The following PAX7 variants were observed in gnomAD, a reference collection of about 807,000 sequenced individuals.
PAX7 encodes the protein paired box protein Pax-7.
A neutral mutation model predicts 50.7 loss-of-function variants in PAX7; 18 were observed. The ratio of observed to expected loss-of-function variants is 0.36; its 90% confidence interval spans 0.25 to 0.53. The LOEUF is 0.53. PAX7 is among the 20% of genes least tolerant of loss of function. The pLI, the probability that PAX7 is intolerant of heterozygous loss-of-function variation, is 0.93. For synonymous variants in PAX7, 310 were observed against 290.4 expected (o/e 1.07, Z -0.69); for missense variants, 644 against 702.9 (o/e 0.92, Z 0.95).
chr1:18,746,042 G>A lies in PAX7; in HGVS notation c.*1113G>A, dbSNP rs1448623966. 4.3e-6 allele frequency: 1 copy of A among 231,410 alleles called. No homozygotes were observed. The highest frequency in any genetic ancestry group is 6.1e-5 in the East Asian group (1 of 16,316). The allele number at this position is 231,410 out of a possible 1,614,324, so 14.3% of individuals were successfully genotyped here. On this transcript the variant is annotated 3_prime_UTR_variant, in exon 9 of 9. Coordinates refer to ENST00000420770, the MANE Select transcript of PAX7 (RefSeq NM_001135254.2). The stretch of plus-strand genomic sequence containing the variant: ...ACCATGCCCCATCCTCTAGGAAGAG[G>A]TCTCCATCTTCCCCAAACCCCTTTC...
chr1:18,703,343 C>T (rs758410250), intron 7 of PAX7, 47 bp downstream of exon 7: 1 of 1,493,060 alleles, frequency 6.7e-7, no homozygotes, highest in Non-Finnish European at 9.3e-7. Flanking sequence ...CCACGAAAGT[C>T]AGACATCTGC....
chr1:18,685,093 G>A (rs1036725058), intron 4 of PAX7, among the ~76,000 whole-genome samples: 2 of 152,146 alleles, frequency 1.3e-5, no homozygotes, highest in Admixed American at 1.3e-4. Flanking sequence ...TCCATCACCC[G>A]GGAACTTGCT....
chr1:18,674,066 AT>A (rs1418177333), intron 4 of PAX7, among the ~76,000 whole-genome samples: 39 of 152,238 alleles, frequency 2.6e-4, no homozygotes, highest in Admixed American at 2.6e-3. Flanking sequence ...AGAGCAAACT[AT>A]TTGGAACATT....
intron 8 of PAX7, among the ~76,000 whole-genome samples, chr1:18,742,014 C>T (rs185918859): frequency 6.1e-4 from 93 of 152,240 alleles, no homozygotes; most frequent in African/African-American, 2.1e-3. Context: ...CACTACCAGC[C>T]TCATAGAGTT....
intron 4 of PAX7, among the ~76,000 whole-genome samples, chr1:18,681,031 G>T (rs536022372): frequency 8.2e-4 from 125 of 152,070 alleles, no homozygotes; most frequent in Non-Finnish European, 1.4e-3. Flanking sequence ...GCCAGGCATG[G>T]TGGCACATGC....
At chr1:18,741,987 T>C (rs576508888) in intron 8 of PAX7, among the ~76,000 whole-genome samples, 1 of 152,288 alleles carries the variant, frequency 6.6e-6, no homozygotes, top group East Asian at 1.9e-4. Flanking sequence ...CCATCATCTG[T>C]AAGATGCGGA....
chr1:18,681,332 A>G (rs1360081378), intron 4 of PAX7, among the ~76,000 whole-genome samples: 1 of 152,164 alleles, frequency 6.6e-6, no homozygotes, highest in African/African-American at 2.4e-5. Context: ...GGACACCAGC[A>G]TGTTAAAGAG....
chr1:18,695,056 G>T (rs528260633), intron 5 of PAX7, among the ~76,000 whole-genome samples: 6 of 152,052 alleles, frequency 3.9e-5, no homozygotes, highest in Non-Finnish European at 7.4e-5. Context: ...CAGATGGGTG[G>T]GTTAGTGGAT....
Position 18,631,443 on chromosome 1 carries a change from G to A in PAX7, c.-161G>A, listed in dbSNP as rs2088043516. 1.6e-6 allele frequency: 1 copy of A among 639,814 alleles called. No individual in the cohort carries two copies. The highest frequency in any genetic ancestry group is 3.8e-4 in the Middle Eastern group (1 of 2,610). The allele number at this position is 639,814 out of a possible 1,614,324, so 39.6% of individuals were successfully genotyped here. ...TCTGGACGCGTTTGACTGCAGCCAGGGGTGGGGGGTGGGGGTAGGGAGTGT... is the reference window on the plus strand; with the variant it reads ...TCTGGACGCGTTTGACTGCAGCCAGAGGTGGGGGGTGGGGGTAGGGAGTGT... On this transcript the variant is annotated 5_prime_UTR_variant, in exon 1 of 9. Transcript: ENST00000420770.
intron 7 of PAX7, among the ~76,000 whole-genome samples, chr1:18,727,263 C>T (rs971560761): frequency 2.4e-5 from 3 of 125,620 alleles, no homozygotes; most frequent in African/African-American, 9.5e-5. Context: ...AACACACACA[C>T]ACAGTACTTC....
chr1:18,705,926 G>A (rs566753718), intron 7 of PAX7, among the ~76,000 whole-genome samples: 4 of 152,326 alleles, frequency 2.6e-5, no homozygotes, highest in South Asian at 4.1e-4. Flanking sequence ...GGGTCTGACC[G>A]GGGCAGAGGG....
intron 7 of PAX7, among the ~76,000 whole-genome samples, chr1:18,708,218 C>T (rs2089308388): frequency 6.6e-6 from 1 of 152,106 alleles, no homozygotes; most frequent in South Asian, 2.1e-4. Context: ...TCTCTCCCCT[C>T]TGCTCCGGGC....
At chr1:18,731,937 C>T (rs1451266696) in intron 7 of PAX7, among the ~76,000 whole-genome samples, 1 of 152,180 alleles carries the variant, frequency 6.6e-6, no homozygotes, top group African/African-American at 2.4e-5. Context: ...CACAAGCCCT[C>T]GCAGCTCCTG....
Position 18,691,920 on chromosome 1 carries a change from G to A in PAX7, c.753G>A (p.Ala251=), listed in dbSNP as rs765519857. ...YPDIYTREEL[A]QRTKLTEARV... ...ACATATACACCCGCGAGGAGCTGGC[G>A]CAGAGGACCAAGCTGACAGAGGCGC... The change falls in exon 5 of 9, where the codon GCG becomes GCA. Residue 251 remains alanine, a synonymous_variant. Coordinates refer to ENST00000420770, the MANE Select transcript of PAX7 (RefSeq NM_001135254.2). 1.2e-5 allele frequency: 19 copies of A among 1,613,964 alleles called. No homozygotes were observed. The highest frequency in any genetic ancestry group is 1.6e-4 in the Middle Eastern group (1 of 6,062).
chr1:18,633,867 C>T (rs1192324723), intron 1 of PAX7, among the ~76,000 whole-genome samples: 1 of 152,256 alleles, frequency 6.6e-6, no homozygotes, highest in Admixed American at 6.5e-5. Flanking sequence ...CTCCAAGACG[C>T]AGGCAGGCCT....
chr1:18,646,473 G>T (rs147859691), intron 4 of PAX7, among the ~76,000 whole-genome samples: 1 of 152,130 alleles, frequency 6.6e-6, no homozygotes, highest in African/African-American at 2.4e-5. Context: ...GATAAGAGCC[G>T]CTCCTGGCCT....
intron 4 of PAX7, among the ~76,000 whole-genome samples, chr1:18,689,510 GGCAGGACTCCCTT>G (rs1289932658): frequency 6.6e-6 from 1 of 152,128 alleles, no homozygotes. Flanking sequence ...CCATGATGAA[GGCAGGACTCCCTT>G]GCAATCCATT....
intron 7 of PAX7, among the ~76,000 whole-genome samples, chr1:18,727,076 G>A (rs2743191): frequency 0.055 from 8,300 of 152,030 alleles, 773 homozygotes; most frequent in African/African-American, 0.19. Context: ...CAATACTTAT[G>A]CACACACAAT....
At chr1:18,661,000 A>T (rs780458291) in intron 4 of PAX7, among the ~76,000 whole-genome samples, 2 of 152,152 alleles carry the variant, frequency 1.3e-5, no homozygotes, top group Admixed American at 6.5e-5. Context: ...AGAGTGCTAG[A>T]GGGGAAAGTA....
Sources: allele counts gnomAD v4.1 joint callset (sites outside exome capture counted in the v4.1 genomes callset), GRCh38; gene constraint gnomAD v4.1.1; transcripts MANE v1.5; gene names NCBI Gene and HGNC (gene_info 2026-07-23, HGNC 2026-07-21).